MAST2: variants seen among roughly 807,000 people sequenced by gnomAD.
MAST2 encodes the protein microtubule associated serine/threonine kinase 2.
MAST2 carries 70 observed loss-of-function variants against 147.4 expected under a neutral mutation model. The ratio of observed to expected loss-of-function variants is 0.47; its 90% confidence interval spans 0.39 to 0.58. MAST2 has a LOEUF of 0.58. Ranked by LOEUF, MAST2 falls within the 20% of genes least tolerant of loss-of-function variation. MAST2 has a pLI of 0.00. For missense variants in MAST2, 2,080 were observed against 2,302.3 expected (o/e 0.90, Z 1.98); for synonymous variants, 869 against 896.8 (o/e 0.97, Z 0.55).
intron 4 of MAST2, among the ~76,000 whole-genome samples, chr1:45,884,894 G>A (rs1373085244): frequency 6.6e-6 from 1 of 152,134 alleles, no homozygotes. Flanking sequence ...TGATCTCTAT[G>A]CTTAGTCATC....
intron 7 of MAST2, among the ~76,000 whole-genome samples, chr1:46,004,414 A>G (rs907634087): frequency 3.3e-5 from 5 of 151,868 alleles, no homozygotes; most frequent in African/African-American, 1.2e-4. Flanking sequence ...CACTCAAACA[A>G]GTGATTTTTT....
At chr1:45,905,331 T>C (rs1253646765) in intron 4 of MAST2, among the ~76,000 whole-genome samples, 1 of 151,948 alleles carries the variant, frequency 6.6e-6, no homozygotes, top group Non-Finnish European at 1.5e-5. Context: ...AGTACAGGCA[T>C]GCGCCACCGC....
At chr1:45,876,235 T>C (rs1646601787) in intron 3 of MAST2, among the ~76,000 whole-genome samples, 1 of 152,008 alleles carries the variant, frequency 6.6e-6, no homozygotes. Flanking sequence ...ATTTATAGAG[T>C]GTTGAAGAAT....
chr1:45,835,785 G>A (rs1397685494), intron 3 of MAST2, among the ~76,000 whole-genome samples: 2 of 151,740 alleles, frequency 1.3e-5, no homozygotes, highest in African/African-American at 2.4e-5. Context: ...TCTAGCTAGG[G>A]CAACCACTAA....
intron 4 of MAST2, among the ~76,000 whole-genome samples, chr1:45,922,899 C>T (rs1369242778): frequency 3.3e-5 from 5 of 152,186 alleles, no homozygotes; most frequent in Admixed American, 2.0e-4. Context: ...TCCAACGCAT[C>T]GAGTCTGGTG....
At chr1:45,970,467 A>G (rs1643871579) in intron 5 of MAST2, among the ~76,000 whole-genome samples, 1 of 152,042 alleles carries the variant, frequency 6.6e-6, no homozygotes, top group Non-Finnish European at 1.5e-5. Context: ...GTTCGAGACC[A>G]TCCTGGCTAA....
In MAST2 at chr1:45,907,427, A is replaced by G. The variant is rs1022600639; in HGVS notation, c.500+25032A>G. Among the ~76,000 whole-genome samples, 26 of 151,014 alleles carry G rather than the reference A, an allele frequency of 1.7e-4. 1 individual carries two copies. The highest frequency in any genetic ancestry group is 6.3e-4 in the African/African-American group (26 of 41,222). On this transcript the variant is annotated intron_variant, in intron 4 of 28. Coordinates refer to ENST00000361297, the MANE Select transcript of MAST2 (RefSeq NM_015112.3). ...TAATTTCTTTAAAGTCTTAAAAATTATGGCAAGGTATATATAACAAAATTT... is the reference window on the plus strand; with the variant it reads ...TAATTTCTTTAAAGTCTTAAAAATTGTGGCAAGGTATATATAACAAAATTT...
intron 2 of MAST2, among the ~76,000 whole-genome samples, chr1:45,826,094 A>G (rs537537780): frequency 1.3e-5 from 2 of 152,216 alleles, no homozygotes; most frequent in African/African-American, 4.8e-5. Context: ...AAAAAAAAGT[A>G]AAGTTTTCTT....
At chr1:45,934,086 G>A (rs938295284) in intron 4 of MAST2, among the ~76,000 whole-genome samples, 1 of 152,010 alleles carries the variant, frequency 6.6e-6, no homozygotes, top group Admixed American at 6.6e-5. Flanking sequence ...CCACCCTGAT[G>A]TAGGCCTTGG....
chr1:45,965,363 T>C (rs954205903), intron 5 of MAST2, among the ~76,000 whole-genome samples: 27 of 152,340 alleles, frequency 1.8e-4, no homozygotes, highest in Non-Finnish European at 3.7e-4. Flanking sequence ...TAAGTCTCTT[T>C]GTAAGTCTCT....
intron 4 of MAST2, among the ~76,000 whole-genome samples, chr1:45,930,391 T>TGTTTGTTTTG (rs11390945): frequency 6.8e-5 from 10 of 147,164 alleles, no homozygotes; most frequent in East Asian, 2.0e-4. Flanking sequence ...TTTTTTGTTT[T>TGTTTGTTTTG]TTTTGTTTTG....
At chr1:45,832,542 C>A (rs1644990933) in intron 3 of MAST2, among the ~76,000 whole-genome samples, 1 of 152,148 alleles carries the variant, frequency 6.6e-6, no homozygotes, top group Non-Finnish European at 1.5e-5. Flanking sequence ...GATCCACCGG[C>A]CTTGGCCTCC....
At chr1:45,834,923 T>C (rs1165012143) in intron 3 of MAST2, among the ~76,000 whole-genome samples, 1 of 152,132 alleles carries the variant, frequency 6.6e-6, no homozygotes, top group Non-Finnish European at 1.5e-5. Flanking sequence ...AAGCCAGTTC[T>C]TCCTTGTTCA....
chr1:45,986,960 T>C (rs1182452591), intron 5 of MAST2, among the ~76,000 whole-genome samples: 1 of 152,268 alleles, frequency 6.6e-6, no homozygotes, highest in East Asian at 1.9e-4. Context: ...ACTACTTCTG[T>C]CTTATATGTT....
At chr1:45,883,414 C>T (rs1646930915) in intron 4 of MAST2, among the ~76,000 whole-genome samples, 1 of 152,068 alleles carries the variant, frequency 6.6e-6, no homozygotes, top group South Asian at 2.1e-4. Flanking sequence ...TTTACGAAAA[C>T]TTATTTTGGT....
At chr1:45,915,107 T>A (rs1652267884) in intron 4 of MAST2, among the ~76,000 whole-genome samples, 3 of 152,096 alleles carry the variant, frequency 2.0e-5, no homozygotes, top group Admixed American at 6.6e-5. Context: ...ATTTTTTAAT[T>A]TTTTTGTAGA....
At chr1:45,974,305 G>A (rs1035968983) in intron 5 of MAST2, among the ~76,000 whole-genome samples, 21 of 152,156 alleles carry the variant, frequency 1.4e-4, no homozygotes, top group Non-Finnish European at 2.9e-4. Flanking sequence ...GTTCTTCTCT[G>A]ATTAGTTGAG....
intron 4 of MAST2, among the ~76,000 whole-genome samples, chr1:45,885,704 C>T (rs919954096): frequency 7.2e-5 from 11 of 152,078 alleles, no homozygotes; most frequent in African/African-American, 2.7e-4. Flanking sequence ...TTGTCATTTG[C>T]TCAAATCTTT....
chr1:46,022,196 C>T lies in MAST2; in HGVS notation c.1423+114C>T, dbSNP rs1253522416. 47 of 1,366,098 alleles carry T rather than the reference C, an allele frequency of 3.4e-5. 1 individual carries two copies. The highest frequency in any genetic ancestry group is 2.0e-4 in the Admixed American group (9 of 45,036). The allele number at this position is 1,366,098 out of a possible 1,614,324, so 84.6% of individuals were successfully genotyped here. On this transcript the variant is annotated intron_variant, in intron 12 of 28. Transcript: ENST00000361297. ...CTTGGACATGGACACAACATGGCCC[C>T]GGGGGCCTCAGGATTTTAGGAGATA...
Sources: gnomAD v4.1 joint callset for allele counts (sites outside exome capture counted in the v4.1 genomes callset) on GRCh38, gnomAD v4.1.1 for gene constraint, MANE v1.5 for transcripts, NCBI Gene and HGNC (gene_info 2026-07-23, HGNC 2026-07-21) for gene names.